The following CDH12 variants were observed in gnomAD, a reference collection of about 807,000 sequenced individuals.
CDH12 encodes the protein cadherin 12, also known as cadherin-12.
CDH12 carries 41 observed loss-of-function variants against 74.1 expected under a neutral mutation model. The observed-to-expected ratio is 0.55, with a 90% confidence interval of 0.43 to 0.72. CDH12 has a LOEUF of 0.72. Ranked by LOEUF, CDH12 falls within the 30% of genes least tolerant of loss-of-function variation. CDH12 has a pLI of 0.00. For synonymous variants in CDH12, 399 were observed against 355.0 expected (o/e 1.12, Z -1.39); for missense variants, 945 against 977.2 (o/e 0.97, Z 0.44).
intron 6 of CDH12, among the ~76,000 whole-genome samples, chr5:21,921,607 A>G (rs1226858492): frequency 1.3e-5 from 2 of 152,172 alleles, no homozygotes; most frequent in Non-Finnish European, 2.9e-5. Context: ...AGCAACGTTT[A>G]CTGGAGTCAG....
At chr5:22,256,544 C>A (rs780875759) in intron 3 of CDH12, among the ~76,000 whole-genome samples, 13 of 152,036 alleles carry the variant, frequency 8.6e-5, no homozygotes, top group Non-Finnish European at 1.6e-4. Context: ...GAGTGTACTC[C>A]TTGTACTTAT....
At chr5:22,041,567 G>T (rs1320123733) in intron 5 of CDH12, among the ~76,000 whole-genome samples, 1 of 151,982 alleles carries the variant, frequency 6.6e-6, no homozygotes, top group Non-Finnish European at 1.5e-5. Flanking sequence ...ACAATCACAA[G>T]AGACAAAGAA....
intron 1 of CDH12, among the ~76,000 whole-genome samples, chr5:22,803,991 A>C (rs1748659461): frequency 6.6e-6 from 1 of 152,208 alleles, no homozygotes; most frequent in Non-Finnish European, 1.5e-5. Context: ...AAAAAAAATC[A>C]AGAGCTACTG....
At chr5:22,703,376 T>G (rs1742818931) in intron 1 of CDH12, among the ~76,000 whole-genome samples, 1 of 152,206 alleles carries the variant, frequency 6.6e-6, no homozygotes, top group Non-Finnish European at 1.5e-5. Flanking sequence ...GAATTTGATT[T>G]GCACTAACAT....
intron 1 of CDH12, among the ~76,000 whole-genome samples, chr5:22,848,314 TAATC>T (rs1440814174): frequency 1.3e-5 from 2 of 152,222 alleles, no homozygotes; most frequent in Admixed American, 6.5e-5. Context: ...TTTATCTACT[TAATC>T]AATCAATTAC....
intron 1 of CDH12, among the ~76,000 whole-genome samples, chr5:22,589,499 T>C (rs376648883): frequency 7.2e-5 from 11 of 152,252 alleles, no homozygotes; most frequent in African/African-American, 2.7e-4. Flanking sequence ...TTGAGAATTA[T>C]GTCCATGTCA....
At chr5:22,521,093 C>T (rs1420503039) in intron 1 of CDH12, among the ~76,000 whole-genome samples, 2 of 151,698 alleles carry the variant, frequency 1.3e-5, no homozygotes, top group East Asian at 3.9e-4. Context: ...ATATCTCTTA[C>T]ATGTTTCTGG....
chr5:21,799,320 C>T (rs1189450919), intron 10 of CDH12, among the ~76,000 whole-genome samples: 1 of 151,936 alleles, frequency 6.6e-6, no homozygotes, highest in African/African-American at 2.4e-5. Context: ...CTCACAACTG[C>T]TTGCAGTAAA....
intron 1 of CDH12, among the ~76,000 whole-genome samples, chr5:22,755,390 C>G (rs1245092125): frequency 6.6e-6 from 1 of 152,084 alleles, no homozygotes; most frequent in African/African-American, 2.4e-5. Flanking sequence ...AATTGTTCAG[C>G]TTTATGAGGC....
At chr5:22,127,021 A>C (rs1031664734) in intron 4 of CDH12, among the ~76,000 whole-genome samples, 17 of 152,340 alleles carry the variant, frequency 1.1e-4, no homozygotes, top group African/African-American at 3.8e-4. Context: ...CTAATTTTAC[A>C]AAGAAGGATA....
At chr5:22,314,971 T>TTTTTG (rs1738556943) in intron 3 of CDH12, among the ~76,000 whole-genome samples, 1 of 106,448 alleles carries the variant, frequency 9.4e-6, no homozygotes, top group Non-Finnish European at 1.9e-5. Flanking sequence ...TTTTTTTTTT[T>TTTTTG]GAGATGGAGT....
intron 1 of CDH12, among the ~76,000 whole-genome samples, chr5:22,627,009 T>C (rs1427239453): frequency 6.6e-6 from 1 of 152,158 alleles, no homozygotes. Context: ...ATCTTGGAGC[T>C]TAGACACTGG....
intron 1 of CDH12, among the ~76,000 whole-genome samples, chr5:22,756,821 G>A (rs541474475): frequency 2.4e-4 from 37 of 152,130 alleles, no homozygotes; most frequent in African/African-American, 7.0e-4. Flanking sequence ...TTAGCCAGGC[G>A]TGGTGGCAGA....
chr5:21,854,890 A>G (rs1414221935), intron 6 of CDH12, 100 bp from the exon 7 acceptor site: 3 of 1,016,314 alleles, frequency 3.0e-6, no homozygotes, highest in Non-Finnish European at 2.9e-6. Context: ...TATTTGACCT[A>G]CGTCAAGTAC....
chr5:21,972,722 TG>T (rs1756905015), intron 6 of CDH12, among the ~76,000 whole-genome samples: 1 of 152,154 alleles, frequency 6.6e-6, no homozygotes. Flanking sequence ...TGTGAGATTA[TG>T]GGGAAAGACA....
chr5:22,184,301 C>A (rs1398397712), intron 4 of CDH12, among the ~76,000 whole-genome samples: 3 of 152,056 alleles, frequency 2.0e-5, no homozygotes, highest in African/African-American at 7.2e-5. Context: ...ATAAAATTGA[C>A]CCTTGGTTTT....
chr5:22,157,054 A>G (rs1420075939), intron 4 of CDH12, among the ~76,000 whole-genome samples: 1 of 152,004 alleles, frequency 6.6e-6, no homozygotes, highest in Non-Finnish European at 1.5e-5. Context: ...ACTAGAAAGC[A>G]TCTACATCAC....
chr5:22,801,684 T>TATATATAC (rs1561041162), intron 1 of CDH12, among the ~76,000 whole-genome samples: 1 of 89,296 alleles, frequency 1.1e-5, no homozygotes. Flanking sequence ...TATATATATA[T>TATATATAC]ACACTTTGTT....
At chr5:21,980,149 A>T (rs982147108) in intron 5 of CDH12, among the ~76,000 whole-genome samples, 2 of 79,502 alleles carry the variant, frequency 2.5e-5, no homozygotes, top group Non-Finnish European at 4.2e-5. Context: ...AAAGTATAAT[A>T]AAAAAAAAAA....
Sources: gnomAD v4.1 joint callset for allele counts (sites outside exome capture counted in the v4.1 genomes callset) on GRCh38, gnomAD v4.1.1 for gene constraint, MANE v1.5 for transcripts, NCBI Gene and HGNC (gene_info 2026-07-23, HGNC 2026-07-21) for gene names.